RBBP5: variants seen among roughly 807,000 people sequenced by gnomAD.
RBBP5 encodes retinoblastoma-binding protein 5.
RBBP5 carries 5 observed loss-of-function variants against 72.2 expected under a neutral mutation model. That is an observed-to-expected ratio of 0.07 (90% CI 0.04 to 0.15). RBBP5 has a LOEUF of 0.15. RBBP5 is among the 10% of genes least tolerant of loss of function. The pLI is 1.00. For missense variants in RBBP5, 322 were observed against 652.2 expected (o/e 0.49, Z 5.51); for synonymous variants, 209 against 237.2 (o/e 0.88, Z 1.09).
At chr1:205,121,780 G>A in intron 1 of RBBP5, 75 bp downstream of exon 1, 2 of 1,602,758 alleles carry the variant, frequency 1.2e-6, no homozygotes, top group South Asian at 2.2e-5. Flanking sequence ...ATTGCAGCCT[G>A]ACTCCCCTCC....
chr1:205,116,289 T>G (rs1256446324), intron 1 of RBBP5: 1 of 378,260 alleles, frequency 2.6e-6, no homozygotes, highest in East Asian at 7.6e-5. Context: ...TTATGGTTAT[T>G]TCTATATAAT....
chr1:205,093,749 G>GA lies in RBBP5; in HGVS notation c.1588+1123dup, dbSNP rs567190115. Reference sequence around the variant, plus strand: ...AAACTCGAGATGGAATACTCAAAATGATGAATAACTGTCTATTTCAGCTTC... The same window carrying GA: ...AAACTCGAGATGGAATACTCAAAATGAATGAATAACTGTCTATTTCAGCTTC... On this transcript the variant is annotated intron_variant, in intron 13 of 13. Coordinates refer to ENST00000264515, the MANE Select transcript of RBBP5 (RefSeq NM_005057.4). Among the ~76,000 whole-genome samples the GA allele has an allele frequency of 7.2e-3, 1,099 of 151,644 alleles. 4 individuals are homozygous for GA. The highest frequency in any genetic ancestry group is 0.015 in the South Asian group (72 of 4,810).
At chr1:205,089,149 T>C (rs1655240407) in intron 13 of RBBP5, among the ~76,000 whole-genome samples, 1 of 152,252 alleles carries the variant, frequency 6.6e-6, no homozygotes, top group Non-Finnish European at 1.5e-5. Context: ...AAAAGTGCAA[T>C]GAGGAGAGGA....
At chr1:205,120,573 G>A (rs1414095528) in intron 1 of RBBP5, among the ~76,000 whole-genome samples, 1 of 152,142 alleles carries the variant, frequency 6.6e-6, no homozygotes. Context: ...CTTGGGGCCA[G>A]GAGTTTGAGA....
rs1403571581 is a variant in RBBP5, at chr1:205,097,327, T to C, written c.1165A>G (p.Ser389Gly). 1 of 1,551,684 alleles carries C rather than the reference T, an allele frequency of 6.4e-7. No individual in the cohort carries two copies. The highest frequency in any genetic ancestry group is 8.7e-7 in the Non-Finnish European group (1 of 1,147,008). Residue 389 changes from serine (S) to glycine (G), a missense_variant and splice_region_variant, in exon 11 of 14, where the codon AGT becomes GGT. Physicochemically the swap from Ser to Gly is moderately conservative, Grantham distance 56. Transcript: ENST00000264515. ...SVDPIAAFCS[S>G]DEELEDSKAL... ...GCCCAGCCTTCCGGGCCGGCTCACC[T>C]GCTACAGAAGGCAGCAATAGGGTCC...
At chr1:205,101,996 A>G (rs1460876301) in intron 5 of RBBP5, among the ~76,000 whole-genome samples, 3 of 150,884 alleles carry the variant, frequency 2.0e-5, no homozygotes, top group Non-Finnish European at 4.4e-5. Context: ...TCCTGGGTTC[A>G]AGCAATTCTC....
At chr1:205,118,330 G>C (rs546334316) in intron 1 of RBBP5, among the ~76,000 whole-genome samples, 1 of 151,994 alleles carries the variant, frequency 6.6e-6, no homozygotes, top group Non-Finnish European at 1.5e-5. Context: ...AGAAAATATC[G>C]GCCAGGTGCA....
At chr1:205,089,907 A>G (rs1003675173) in intron 13 of RBBP5, among the ~76,000 whole-genome samples, 15 of 152,054 alleles carry the variant, frequency 9.9e-5, no homozygotes, top group African/African-American at 2.7e-4. Flanking sequence ...GCTGGATTGC[A>G]ATGGCGTGAT....
At chr1:205,118,425 C>A (rs1378192367) in intron 1 of RBBP5, among the ~76,000 whole-genome samples, 2 of 151,762 alleles carry the variant, frequency 1.3e-5, no homozygotes, top group Non-Finnish European at 2.9e-5. Context: ...GCTGAGCCAA[C>A]ATGGTGAAAC....
At chr1:205,110,550 T>C (rs1429644870) in intron 3 of RBBP5, among the ~76,000 whole-genome samples, 1 of 152,198 alleles carries the variant, frequency 6.6e-6, no homozygotes, top group African/African-American at 2.4e-5. Context: ...ATATCCACTA[T>C]ATGCTAAGTG....
chr1:205,120,241 G>A (rs1335320686), intron 1 of RBBP5, among the ~76,000 whole-genome samples: 3 of 152,014 alleles, frequency 2.0e-5, no homozygotes, highest in Non-Finnish European at 2.9e-5. Context: ...CCACATTGCT[G>A]TCAGACAAAC....
intron 3 of RBBP5, among the ~76,000 whole-genome samples, chr1:205,106,522 T>G (rs1656071550): frequency 6.6e-6 from 1 of 152,098 alleles, no homozygotes; most frequent in Non-Finnish European, 1.5e-5. Flanking sequence ...CGCTTGAACC[T>G]GGGAGGCAGA....
At chr1:205,089,034 GTA>G (rs1655235450) in intron 13 of RBBP5, among the ~76,000 whole-genome samples, 1 of 152,108 alleles carries the variant, frequency 6.6e-6, no homozygotes, top group South Asian at 2.1e-4. Flanking sequence ...ACTTTCCTCA[GTA>G]CTGTCCCAAA....
At chr1:205,096,024 C>T (rs902721423) in intron 12 of RBBP5, among the ~76,000 whole-genome samples, 1 of 151,962 alleles carries the variant, frequency 6.6e-6, no homozygotes, top group African/African-American at 2.4e-5. Flanking sequence ...AAAACCCCAC[C>T]TCTACTAAAA....
rs2151209665 is a variant in RBBP5 at position 205,087,562 on chromosome 1, A to T, written c.*1225T>A. ...CTCCTTTTAAAATATTGAAAAAAAA[A>T]AAAAAAAAAAAAAGACGATCCAGAT... On this transcript the variant is annotated 3_prime_UTR_variant, in exon 14 of 14. Transcript: ENST00000264515. The T allele has an allele frequency of 6.6e-6, 1 of 151,322 alleles. No individual in the cohort carries two copies. The highest frequency in any genetic ancestry group is 1.9e-4 in the East Asian group (1 of 5,156). 9.4% of individuals were successfully genotyped at this position (151,322 alleles called of 1,614,324 possible).
chr1:205,095,039 C>G lies in RBBP5; in HGVS notation c.1422G>C (p.Lys474Asn). Residue 474 changes from lysine (K) to asparagine (N), a missense_variant, in exon 13 of 14, where the codon AAG becomes AAC. Lys to Asn is a moderately conservative substitution (Grantham distance 94). Around this residue, in one of 6 missense-constraint regions of RBBP5, gnomAD observed 109 missense variants for 146.3 expected, o/e 0.75. Transcript: ENST00000264515. ...NDEVHPLLGVKGDGKSKKKQA... is the reference protein window; with the variant it reads ...NDEVHPLLGVNGDGKSKKKQA... ...GCTTCTTCTTGGATTTGCCATCCCC[C>G]TTCACACCCAGTAGTGGATGGACTT... 7 of 1,614,128 alleles carry G rather than the reference C, an allele frequency of 4.3e-6. No homozygotes were observed. The highest frequency in any genetic ancestry group is 5.9e-6 in the Non-Finnish European group (7 of 1,180,016).
In RBBP5 at chr1:205,096,334, G is replaced by A. The variant is rs1011675251; in HGVS notation, c.1396+348C>T. Among the ~76,000 whole-genome samples, 36 of 152,112 alleles carry A rather than the reference G, an allele frequency of 2.4e-4. 1 individual carries two copies. Among genetic ancestry groups the A allele is most frequent in the Non-Finnish European group, 5.9e-5 (4 of 68,022 alleles). On this transcript the variant is annotated intron_variant, in intron 12 of 13. Transcript: ENST00000264515. ...CTTCCCAAGTCAGACTCTAAAAGGT[G>A]GCAGGAAGGATGAAATGATTGTCCA...
intron 3 of RBBP5, among the ~76,000 whole-genome samples, chr1:205,106,876 G>C (rs1197189055): frequency 6.6e-6 from 1 of 151,950 alleles, no homozygotes; most frequent in Non-Finnish European, 1.5e-5. Flanking sequence ...AGAAGATACA[G>C]AGAAGAACCA....
intron 13 of RBBP5, among the ~76,000 whole-genome samples, chr1:205,093,142 C>T (rs912912638): frequency 5.3e-5 from 8 of 151,928 alleles, no homozygotes; most frequent in Non-Finnish European, 7.4e-5. Flanking sequence ...GCAATGCCCA[C>T]GACTGCTCCA....
Sources: gnomAD v4.1 joint callset for allele counts (sites outside exome capture counted in the v4.1 genomes callset) on GRCh38, gnomAD v4.1.1 for gene constraint, gnomAD v4.1.1 regional missense constraint, MANE v1.5 for transcripts, NCBI Gene and HGNC (gene_info 2026-07-23, HGNC 2026-07-21) for gene names.